Variants in TBC1D32 observed in about 807,000 individuals in gnomAD.
The protein encoded by TBC1D32 is TBC1 domain family member 32, also known as protein broad-minded.
Under a neutral mutation model 170.3 loss-of-function variants are expected in TBC1D32, and 151 were observed. The ratio of observed to expected loss-of-function variants is 0.89; its 90% CI spans 0.78 to 1.01. The LOEUF (loss-of-function observed/expected upper bound fraction) is 1.01, where lower values mean the gene tolerates loss of function less well. Ranked by LOEUF, TBC1D32 falls within the 50% of genes least tolerant of loss-of-function variation. The probability of loss-of-function intolerance (pLI) is 0.00; values close to 1 mark genes in which losing one functional copy is unlikely to be tolerated. For synonymous variants in TBC1D32, 498 were observed against 488.0 expected (o/e 1.02, Z -0.27); for missense variants, 1,464 against 1,457.1 (o/e 1.00, Z -0.08).
intron 30 of TBC1D32, among the ~76,000 whole-genome samples, chr6:121,097,343 A>C (rs1025124690): frequency 6.6e-6 from 1 of 152,178 alleles, no homozygotes; most frequent in Admixed American, 6.5e-5. Flanking sequence ...ACTCAAAAAA[A>C]TTTACAAGAA....
chr6:121,322,514 C>T (rs1472018719), intron 1 of TBC1D32, among the ~76,000 whole-genome samples: 2 of 152,204 alleles, frequency 1.3e-5, no homozygotes, highest in African/African-American at 4.8e-5. Flanking sequence ...ATGTTACCTT[C>T]TGATAAAAGC....
chr6:121,281,666 T>C lies in TBC1D32; in HGVS notation c.1486A>G (p.Met496Val). 1 of 1,597,972 alleles carries C rather than the reference T, an allele frequency of 6.3e-7. No individual in the cohort carries two copies. The highest frequency in any genetic ancestry group is 8.5e-7 in the Non-Finnish European group (1 of 1,171,576). The stretch of plus-strand genomic sequence containing the variant: ...AGTATCCACAGAACTTCAGTCACCA[T>C]ACTTGCAGGAGAGTAATTCTCTAAT... ...AHSENYSPAS[M>V]VTEVLWILSD... The change falls in exon 14 of 32, where the codon ATG (methionine) becomes GTG (valine). Residue 496 changes from methionine (M) to valine (V), a missense_variant. By Grantham distance (21) the Met-to-Val change is conservative. Coordinates refer to ENST00000398212, the MANE Select transcript of TBC1D32 (RefSeq NM_152730.6).
At chr6:121,209,149 A>G (rs1308710375) in intron 21 of TBC1D32, among the ~76,000 whole-genome samples, 5 of 152,206 alleles carry the variant, frequency 3.3e-5, no homozygotes, top group Non-Finnish European at 7.4e-5. Context: ...TTAAAAAAAA[A>G]AAAAACTCAC....
intron 1 of TBC1D32, among the ~76,000 whole-genome samples, chr6:121,332,706 AT>A (rs972661302): frequency 1.4e-4 from 21 of 152,186 alleles, no homozygotes; most frequent in Non-Finnish European, 2.4e-4. Flanking sequence ...TTTACAAAAC[AT>A]TAATCACCCA....
At chr6:121,175,806 T>C (rs1005996453) in intron 22 of TBC1D32, among the ~76,000 whole-genome samples, 12 of 152,198 alleles carry the variant, frequency 7.9e-5, no homozygotes, top group Non-Finnish European at 1.6e-4. Flanking sequence ...CTGCCAATTA[T>C]TTTTTAACAT....
intron 10 of TBC1D32, among the ~76,000 whole-genome samples, chr6:121,295,289 C>CAAAAAAAAAAAAAAAAA (rs60783883): frequency 2.8e-5 from 3 of 108,578 alleles, no homozygotes; most frequent in African/African-American, 7.4e-5. Flanking sequence ...ATCCTAATTC[C>CAAAAAAAAAAAAAAAAA]AAAAAAAAAA....
intron 20 of TBC1D32, among the ~76,000 whole-genome samples, chr6:121,235,940 C>T (rs1281589582): frequency 6.6e-6 from 1 of 152,070 alleles, no homozygotes; most frequent in Non-Finnish European, 1.5e-5. Context: ...TTGTATCTTC[C>T]TTTTTTATAC....
intron 22 of TBC1D32, among the ~76,000 whole-genome samples, chr6:121,185,122 T>A (rs1789023723): frequency 6.6e-6 from 1 of 151,968 alleles, no homozygotes; most frequent in East Asian, 1.9e-4. Flanking sequence ...CCTATACAAA[T>A]CAGTACCTGA....
intron 30 of TBC1D32, among the ~76,000 whole-genome samples, chr6:121,103,897 A>G (rs186984762): frequency 2.6e-5 from 4 of 151,998 alleles, no homozygotes; most frequent in Non-Finnish European, 5.9e-5. Flanking sequence ...AGCTTATGGT[A>G]AATGTTTAAA....
Position 121,083,520 on chromosome 6 carries a change from T to C in TBC1D32, c.3655-2630A>G, listed in dbSNP as rs1408549377. The stretch of plus-strand genomic sequence containing the variant: ...ATGTATTCAATATTATATAATATGG[T>C]ATATACGTAGTTTCCCTCTTTGCTT... On this transcript the variant is annotated intron_variant, in intron 31 of 31. Coordinates refer to ENST00000398212, the MANE Select transcript of TBC1D32 (RefSeq NM_152730.6). Among the ~76,000 whole-genome samples the C allele has an allele frequency of 1.3e-5, 2 of 152,226 alleles. 1 individual carries two copies. The highest frequency in any genetic ancestry group is 4.1e-4 in the South Asian group (2 of 4,832).
chr6:121,219,712 A>T lies in TBC1D32; in HGVS notation c.2481+3524T>A, dbSNP rs187673827. Reference sequence around the variant, plus strand: ...GGCATACCTTGTTTTATTGCATGTCACTTATTATACTTTGCAGATAATATG... The same window carrying T: ...GGCATACCTTGTTTTATTGCATGTCTCTTATTATACTTTGCAGATAATATG... On this transcript the variant is annotated intron_variant, in intron 21 of 31. Transcript: ENST00000398212. Among the ~76,000 whole-genome samples, 16 of 152,332 alleles carry T rather than the reference A, an allele frequency of 1.1e-4. No homozygotes were observed. The East Asian group carries it at 2.3e-3, about 22-fold the overall frequency.
chr6:121,245,652 G>T (rs1344051867), intron 17 of TBC1D32, among the ~76,000 whole-genome samples: 1 of 152,090 alleles, frequency 6.6e-6, no homozygotes, highest in African/African-American at 2.4e-5. Flanking sequence ...TCTTTCATGG[G>T]AACGGAGCAT....
chr6:121,129,411 A>G (rs1582887467), intron 25 of TBC1D32, among the ~76,000 whole-genome samples: 2 of 152,178 alleles, frequency 1.3e-5, no homozygotes, highest in Non-Finnish European at 2.9e-5. Context: ...CGCATTTTCA[A>G]CTTATGATGC....
In TBC1D32 at chr6:121,198,714, G is replaced by A. The variant is rs560537979; in HGVS notation, c.2570+6361C>T. Among the ~76,000 whole-genome samples, 45 of 151,310 alleles carry A rather than the reference G, an allele frequency of 3.0e-4. 2 individuals are homozygous for A. Among genetic ancestry groups the A allele is most frequent in the African/African-American group, 1.1e-3 (45 of 40,684 alleles). ...TGCAGTGAGCCGAGATCCCGCCACT[G>A]CACTCTAGCCTGGGCGACAGAGCGA... On this transcript the variant is annotated intron_variant, in intron 22 of 31. Coordinates refer to ENST00000398212, the MANE Select transcript of TBC1D32 (RefSeq NM_152730.6).
At chr6:121,104,374 C>G (rs764827776) in intron 30 of TBC1D32, among the ~76,000 whole-genome samples, 1 of 151,428 alleles carries the variant, frequency 6.6e-6, no homozygotes, top group Non-Finnish European at 1.5e-5. Context: ...ACTTTAGAAA[C>G]CAAGACTGGA....
chr6:121,080,690 T>C lies in TBC1D32; in HGVS notation c.*81A>G. 6.7e-7 allele frequency: 1 copy of C among 1,500,654 alleles called. No individual in the cohort carries two copies. Among genetic ancestry groups the C allele is most frequent in the Non-Finnish European group, 8.9e-7 (1 of 1,119,118 alleles). 93.0% of individuals were successfully genotyped at this position (1,500,654 alleles called of 1,614,324 possible). On this transcript the variant is annotated 3_prime_UTR_variant, in exon 32 of 32. Coordinates refer to ENST00000398212, the MANE Select transcript of TBC1D32 (RefSeq NM_152730.6). ...TGTATATTCACAAAGTAAATGTTGT[T>C]ACAGACACAGAAAAACATCAAGCCC...
chr6:121,092,572 G>T (rs74786192), intron 30 of TBC1D32, among the ~76,000 whole-genome samples: 2,382 of 151,918 alleles, frequency 0.016, 58 homozygotes, highest in African/African-American at 0.053. Context: ...GGCAGGGGGG[G>T]CTTAAACAAT....
intron 20 of TBC1D32, among the ~76,000 whole-genome samples, chr6:121,227,558 T>A (rs987770742): frequency 6.6e-6 from 1 of 150,388 alleles, no homozygotes; most frequent in Non-Finnish European, 1.5e-5. Flanking sequence ...TTTCTACATA[T>A]GTTGAAATAA....
rs1450372175 is a variant in TBC1D32, at chr6:121,303,646, T to C, written c.1051A>G (p.Thr351Ala). ...CACTTTTTGAACCACACAGCCTTGG[T>C]ATCAACTAATGCAAAAAAGTAGATC... is the stretch of plus-strand genomic sequence containing the variant. ...DPIYFFALVD[T>A]KAVWFKKWMH... Residue 351 changes from threonine to alanine, a missense_variant, in exon 9 of 32, where the codon ACC (threonine) becomes GCC (alanine). By Grantham distance (58) the Thr-to-Ala change is moderately conservative. Transcript: ENST00000398212. 6.3e-7 allele frequency: 1 copy of C among 1,591,986 alleles called. No individual in the cohort carries two copies. Among genetic ancestry groups the C allele is most frequent in the East Asian group, 2.2e-5 (1 of 44,576 alleles).
Sources: gnomAD v4.1 joint callset for allele counts (sites outside exome capture counted in the v4.1 genomes callset) on GRCh38, gnomAD v4.1.1 for gene constraint, MANE v1.5 for transcripts, NCBI Gene and HGNC (gene_info 2026-07-23, HGNC 2026-07-21) for gene names.